Variants in COBL observed in about 807,000 individuals in gnomAD.
COBL encodes cordon-bleu WH2 repeat protein, also known as protein cordon-bleu.
COBL carries 51 observed loss-of-function variants against 98.8 expected under a neutral mutation model. That is an observed-to-expected ratio of 0.52 (90% CI 0.41 to 0.65). COBL has a LOEUF of 0.65. COBL is among the 30% of genes least tolerant of loss of function. The pLI, the probability that COBL is intolerant of heterozygous loss-of-function variation, is 0.00. For synonymous variants in COBL, 634 were observed against 651.7 expected, an observed-to-expected ratio of 0.97 and a Z score of 0.41; for missense variants, 1,617 against 1,617.5, an observed-to-expected ratio of 1.00 and a Z score of 0.01.
chr7:51,316,468 C>A, intron 1 of COBL, 125 bp downstream of exon 1: 1 of 666,674 alleles, frequency 1.5e-6, no homozygotes, highest in South Asian at 6.9e-5. Context: ...CCTGCTCCAC[C>A]ACTACCACCA....
At chr7:51,147,286 T>C (rs1453338927) in intron 5 of COBL, among the ~76,000 whole-genome samples, 2 of 152,220 alleles carry the variant, frequency 1.3e-5, no homozygotes, top group Non-Finnish European at 2.9e-5. Context: ...CAGCCTTGTA[T>C]GGGTCACATT....
intron 1 of COBL, among the ~76,000 whole-genome samples, chr7:51,314,680 G>A (rs748366385): frequency 6.6e-6 from 1 of 152,132 alleles, no homozygotes; most frequent in Non-Finnish European, 1.5e-5. Context: ...GACAAAGTGA[G>A]AACAATAGAA....
chr7:51,228,312 G>C (rs940543700), intron 1 of COBL, among the ~76,000 whole-genome samples: 5 of 151,830 alleles, frequency 3.3e-5, no homozygotes, highest in African/African-American at 1.2e-4. Flanking sequence ...AAAGTTTCTG[G>C]TATGGCACCG....
intron 5 of COBL, among the ~76,000 whole-genome samples, chr7:51,147,820 G>A (rs1048765289): frequency 1.3e-5 from 2 of 150,926 alleles, no homozygotes; most frequent in Admixed American, 6.6e-5. Context: ...GCGCGATCTC[G>A]GCTCACTGCA....
chr7:51,087,002 A>G (rs1374701250), intron 6 of COBL, among the ~76,000 whole-genome samples: 1 of 151,062 alleles, frequency 6.6e-6, no homozygotes, highest in African/African-American at 2.4e-5. Flanking sequence ...TTTGGCATTT[A>G]TTCCGTTTTT....
intron 8 of COBL, among the ~76,000 whole-genome samples, chr7:51,037,090 T>C (rs376819483): frequency 9.2e-4 from 140 of 152,284 alleles, no homozygotes; most frequent in Middle Eastern, 6.8e-3. Context: ...TATATACACA[T>C]ACATGCACAT....
intron 8 of COBL, chr7:51,034,872 C>T (rs1421054459): frequency 1.3e-5 from 2 of 152,196 alleles, no homozygotes; most frequent in African/African-American, 4.8e-5. Flanking sequence ...GAAATAAATG[C>T]AAACAAACAC....
chr7:51,199,458 C>T (rs991863885), intron 2 of COBL, among the ~76,000 whole-genome samples: 2 of 152,052 alleles, frequency 1.3e-5, no homozygotes, highest in African/African-American at 4.8e-5. Context: ...CTAACAAAAC[C>T]CCAGTAACCA....
chr7:51,174,214 G>A (rs375904397), intron 5 of COBL, among the ~76,000 whole-genome samples: 2 of 152,190 alleles, frequency 1.3e-5, no homozygotes, highest in African/African-American at 4.8e-5. Context: ...TATGAATTCC[G>A]GCATTTACCC....
chr7:51,106,495 G>T (rs1796283044), intron 6 of COBL, among the ~76,000 whole-genome samples: 1 of 152,180 alleles, frequency 6.6e-6, no homozygotes, highest in African/African-American at 2.4e-5. Context: ...AACAAGAAAA[G>T]AGTTCTCCCA....
chr7:51,216,452 T>C (rs1793058054), intron 2 of COBL, among the ~76,000 whole-genome samples: 1 of 152,202 alleles, frequency 6.6e-6, no homozygotes, highest in Non-Finnish European at 1.5e-5. Context: ...ATTACAGGCA[T>C]GAGCCACTGC....
chr7:51,302,829 T>A (rs1802106263), intron 1 of COBL, among the ~76,000 whole-genome samples: 1 of 152,114 alleles, frequency 6.6e-6, no homozygotes, highest in Non-Finnish European at 1.5e-5. Flanking sequence ...GATAATAAAT[T>A]ACCATTTTTA....
intron 2 of COBL, among the ~76,000 whole-genome samples, chr7:51,207,510 G>A (rs1004313883): frequency 3.9e-5 from 6 of 152,180 alleles, no homozygotes; most frequent in African/African-American, 1.4e-4. Context: ...CTGCCATCTC[G>A]GCTCACTGCA....
chr7:51,061,161 T>C (rs1025304286), intron 7 of COBL, among the ~76,000 whole-genome samples: 1 of 152,192 alleles, frequency 6.6e-6, no homozygotes, highest in Non-Finnish European at 1.5e-5. Context: ...AGCTGTGATG[T>C]GACTAGTTTT....
chr7:51,156,627 A>C, intron 5 of COBL: 1 of 976,534 alleles, frequency 1.0e-6, no homozygotes, highest in South Asian at 4.8e-5. Flanking sequence ...AATATTGAGA[A>C]ATAGCTAGTC....
intron 2 of COBL, among the ~76,000 whole-genome samples, chr7:51,202,769 A>G (rs558646318): frequency 6.6e-6 from 1 of 152,352 alleles, no homozygotes. Flanking sequence ...GGCCGGGCAC[A>G]GTGGCTCACG....
chr7:51,163,412 C>CA (rs1360924387), intron 5 of COBL, among the ~76,000 whole-genome samples: 2 of 152,214 alleles, frequency 1.3e-5, no homozygotes, highest in Non-Finnish European at 2.9e-5. Flanking sequence ...TAAGCCCACA[C>CA]AACTAAGCAC....
chr7:51,268,731 A>C (rs1318806658), intron 1 of COBL, among the ~76,000 whole-genome samples: 2 of 151,990 alleles, frequency 1.3e-5, no homozygotes, highest in Non-Finnish European at 2.9e-5. Context: ...GGAGTTCGAG[A>C]CCAGCCTGGC....
intron 7 of COBL, among the ~76,000 whole-genome samples, chr7:51,059,015 G>A (rs1291050651): frequency 2.6e-5 from 4 of 152,200 alleles, no homozygotes; most frequent in Non-Finnish European, 5.9e-5. Context: ...TGGGGTGTCC[G>A]AATTGTCCCC....
Sources: gnomAD v4.1 joint callset for allele counts (sites outside exome capture counted in the v4.1 genomes callset) on GRCh38, gnomAD v4.1.1 for gene constraint, MANE v1.5 for transcripts, NCBI Gene and HGNC (gene_info 2026-07-23, HGNC 2026-07-21) for gene names.